ADARB2: variants seen among roughly 807,000 people sequenced by gnomAD.
ADARB2 encodes the protein adenosine deaminase RNA specific B2 (inactive).
Under a neutral mutation model 62.2 loss-of-function variants are expected in ADARB2, and 25 were observed. The ratio of observed to expected loss-of-function variants is 0.40; its 90% confidence interval spans 0.29 to 0.56. The LOEUF (loss-of-function observed/expected upper bound fraction) is 0.56, where lower values mean the gene tolerates loss of function less well. Among genes scored for constraint, ADARB2 ranks in the 20% least tolerant of loss-of-function variants. ADARB2 has a pLI of 0.43. For missense variants in ADARB2, 1,071 were observed against 1,077.4 expected, an observed-to-expected ratio of 0.99 and a Z score of 0.08; for synonymous variants, 572 against 500.8, an observed-to-expected ratio of 1.14 and a Z score of -1.90.
intron 3 of ADARB2, among the ~76,000 whole-genome samples, chr10:1,302,141 CAGACAGTGGGTGCA>C (rs1320036075): frequency 2.6e-5 from 4 of 152,232 alleles, no homozygotes; most frequent in African/African-American, 9.6e-5. Flanking sequence ...TAGGGAGTGC[CAGACAGTGGGTGCA>C]GGTCAGTGGG....
At chr10:1,387,385 A>T (rs947774358) in intron 1 of ADARB2, among the ~76,000 whole-genome samples, 23 of 152,126 alleles carry the variant, frequency 1.5e-4, no homozygotes, top group African/African-American at 5.5e-4. Context: ...AAAGGAGAAA[A>T]AAACTTCCAT....
intron 1 of ADARB2, among the ~76,000 whole-genome samples, chr10:1,712,998 A>T (rs1024885065): frequency 6.6e-6 from 1 of 152,174 alleles, no homozygotes; most frequent in Non-Finnish European, 1.5e-5. Flanking sequence ...TTCATCAGTC[A>T]TGTGTACTTC....
chr10:1,655,552 T>A (rs184585461), intron 1 of ADARB2, among the ~76,000 whole-genome samples: 2 of 152,220 alleles, frequency 1.3e-5, no homozygotes, highest in East Asian at 3.8e-4. Flanking sequence ...TGTTTAACTA[T>A]CAAAATAAAG....
At chr10:1,456,649 C>A (rs768262729) in intron 1 of ADARB2, among the ~76,000 whole-genome samples, 22 of 152,130 alleles carry the variant, frequency 1.4e-4, no homozygotes, top group Non-Finnish European at 2.9e-4. Flanking sequence ...AAGGTGTGCT[C>A]GAGACGCGCG....
chr10:1,643,882 G>T (rs977330074), intron 1 of ADARB2, among the ~76,000 whole-genome samples: 2 of 152,164 alleles, frequency 1.3e-5, no homozygotes, highest in East Asian at 1.9e-4. Context: ...GGTGGATTAG[G>T]CTGGTCCCTA....
intron 1 of ADARB2, among the ~76,000 whole-genome samples, chr10:1,637,055 T>G (rs1160424729): frequency 1.3e-5 from 2 of 152,242 alleles, no homozygotes; most frequent in East Asian, 3.9e-4. Flanking sequence ...CATTCATGAT[T>G]GAAAGGCTGT....
chr10:1,450,534 T>C (rs1283683169), intron 1 of ADARB2, among the ~76,000 whole-genome samples: 2 of 152,216 alleles, frequency 1.3e-5, no homozygotes, highest in African/African-American at 4.8e-5. Context: ...CTGTCACTTA[T>C]TGTGTTCACA....
chr10:1,185,923 C>T (rs1836751690), intron 8 of ADARB2, among the ~76,000 whole-genome samples: 1 of 152,194 alleles, frequency 6.6e-6, no homozygotes, highest in African/African-American at 2.4e-5. Context: ...GGGTGGTGCA[C>T]TTTCTGGCTT....
At chr10:1,275,055 C>T (rs1286816380) in intron 3 of ADARB2, among the ~76,000 whole-genome samples, 4 of 152,198 alleles carry the variant, frequency 2.6e-5, no homozygotes, top group African/African-American at 9.6e-5. Flanking sequence ...CCCTAGGCTC[C>T]CACTATGAAC....
intron 1 of ADARB2, among the ~76,000 whole-genome samples, chr10:1,637,415 C>T (rs1488187564): frequency 6.6e-6 from 1 of 152,136 alleles, no homozygotes; most frequent in Non-Finnish European, 1.5e-5. Flanking sequence ...AAATGCAAGT[C>T]TAATGAAACC....
In ADARB2 at chr10:1,701,968, T is replaced by C. The variant is rs542585991; in HGVS notation, c.100+35083A>G. On this transcript the variant is annotated intron_variant, in intron 1 of 9. Coordinates refer to ENST00000381312, the MANE Select transcript of ADARB2 (RefSeq NM_018702.4). ...CATGGTATAGAGGCGTGTGTATGCT[T>C]GGCTTGAGGGAAATGAAGAAAGACT... Among the ~76,000 whole-genome samples, 71 of 152,138 alleles carry C rather than the reference T, an allele frequency of 4.7e-4. 1 individual carries two copies. Among genetic ancestry groups the C allele is most frequent in the African/African-American group, 1.5e-3 (64 of 41,500 alleles).
At chr10:1,308,163 C>G (rs1194063041) in intron 3 of ADARB2, among the ~76,000 whole-genome samples, 1 of 152,174 alleles carries the variant, frequency 6.6e-6, no homozygotes, top group Non-Finnish European at 1.5e-5. Flanking sequence ...CCCCTGTGCT[C>G]CACCTACTCA....
chr10:1,513,081 C>T (rs115348891), intron 1 of ADARB2, among the ~76,000 whole-genome samples: 1,913 of 152,240 alleles, frequency 0.013, 54 homozygotes, highest in African/African-American at 0.042. Context: ...CTACCACATC[C>T]ACACTGAATG....
chr10:1,257,843 G>A (rs1415935331), intron 4 of ADARB2, among the ~76,000 whole-genome samples: 1 of 152,210 alleles, frequency 6.6e-6, no homozygotes, highest in African/African-American at 2.4e-5. Flanking sequence ...GACACATCTT[G>A]AAAATTTAAA....
chr10:1,380,640 C>T (rs961838093), intron 1 of ADARB2, among the ~76,000 whole-genome samples: 14 of 152,132 alleles, frequency 9.2e-5, no homozygotes, highest in African/African-American at 3.4e-4. Context: ...CATTCGGGAG[C>T]CTGTTAACAG....
At chr10:1,233,932 A>T in intron 5 of ADARB2, 87 bp from the exon 6 acceptor site, 21 of 1,073,344 alleles carry the variant, frequency 2.0e-5, no homozygotes, top group Non-Finnish European at 2.3e-5. Flanking sequence ...CCTGTTTTGT[A>T]GAGTTGTTCC....
At chr10:1,285,529 G>T (rs893681856) in intron 3 of ADARB2, among the ~76,000 whole-genome samples, 2 of 152,180 alleles carry the variant, frequency 1.3e-5, no homozygotes, top group Non-Finnish European at 2.9e-5. Flanking sequence ...GTGGTTTCTC[G>T]TTACACAATA....
At chr10:1,467,511 C>G (rs1831267879) in intron 1 of ADARB2, among the ~76,000 whole-genome samples, 1 of 152,152 alleles carries the variant, frequency 6.6e-6, no homozygotes, top group South Asian at 2.1e-4. Flanking sequence ...ATGCATGAAG[C>G]CACATCTGGC....
rs375548063 is a variant in ADARB2 at position 1,637,214 on chromosome 10, C to G, written c.100+99837G>C. Among the ~76,000 whole-genome samples, 6 of 151,196 alleles carry G rather than the reference C, an allele frequency of 4.0e-5. No homozygotes were observed. The East Asian group carries it at 7.8e-4, about 20-fold the overall frequency. On this transcript the variant is annotated intron_variant, in intron 1 of 9. Coordinates refer to ENST00000381312, the MANE Select transcript of ADARB2 (RefSeq NM_018702.4). ...GCTCTAGCTAACATCAGATACTTGG[C>G]AGTTTATATTTCTGCCGTGATGATG... is the stretch of plus-strand genomic sequence containing the variant.
Sources: gnomAD v4.1 joint callset for allele counts (sites outside exome capture counted in the v4.1 genomes callset) on GRCh38, gnomAD v4.1.1 for gene constraint, MANE v1.5 for transcripts, NCBI Gene and HGNC (gene_info 2026-07-23, HGNC 2026-07-21) for gene names.